MLIP: variants seen among roughly 807,000 people sequenced by gnomAD.
The protein encoded by MLIP is muscular LMNA interacting protein, also known as muscular LMNA-interacting protein.
In MLIP, 79 loss-of-function variants were observed where a neutral mutation model predicts 84.8. The observed-to-expected ratio is 0.93, with a 90% CI of 0.78 to 1.12. MLIP has a LOEUF of 1.12. Ranked by LOEUF, MLIP falls within the 50% of genes most tolerant of loss-of-function variation. The probability of loss-of-function intolerance (pLI) is 0.00; values close to 1 mark genes in which losing one functional copy is unlikely to be tolerated. For missense variants in MLIP, 1,257 were observed against 1,160.6 expected (o/e 1.08, Z -1.21); for synonymous variants, 504 against 463.0 (o/e 1.09, Z -1.14).
At chr6:54,217,330 T>C in intron 11 of MLIP, 1 of 985,284 alleles carries the variant, frequency 1.0e-6, no homozygotes, top group Non-Finnish European at 1.2e-6. Flanking sequence ...TAAGAAGAGC[T>C]CAAAATGCCG....
chr6:54,239,661 C>G (rs1394350485), intron 12 of MLIP, among the ~76,000 whole-genome samples: 1 of 151,140 alleles, frequency 6.6e-6, no homozygotes, highest in East Asian at 1.9e-4. Context: ...GTGACACATG[C>G]CTGTAGTCCC....
At chr6:54,125,241 G>A (rs677434) in intron 3 of MLIP, among the ~76,000 whole-genome samples, 46,687 of 152,048 alleles carry the variant, frequency 0.31, 7,507 homozygotes, top group African/African-American at 0.37. Flanking sequence ...TATTTCAGAC[G>A]TAAGAAAGAT....
At chr6:54,138,448 A>T (rs12174563) in intron 4 of MLIP, among the ~76,000 whole-genome samples, 162 bp downstream of exon 4, 197 of 152,294 alleles carry the variant, frequency 1.3e-3, no homozygotes, top group African/African-American at 4.7e-3. Context: ...TTGAATGTGT[A>T]AATGAATTAT....
upstream of MLIP, among the ~76,000 whole-genome samples, chr6:54,107,500 C>T (rs747770637): frequency 7.2e-5 from 11 of 152,244 alleles, no homozygotes; most frequent in Non-Finnish European, 1.5e-4. Context: ...CTGAGAGACA[C>T]GGATACGAAC....
rs377582646 is a variant in MLIP, at chr6:54,233,578, T to C, written c.2922+2661T>C. Reference sequence around the variant, plus strand: ...CACATTTTCTTTATCCAGTCTATCATTGATGGGCATTTGGGTTGGTTCCAA... The same window carrying C: ...CACATTTTCTTTATCCAGTCTATCACTGATGGGCATTTGGGTTGGTTCCAA... On this transcript the variant is annotated intron_variant, in intron 12 of 13. Coordinates refer to ENST00000502396, the MANE Select transcript of MLIP (RefSeq NM_001281747.2). Among the ~76,000 whole-genome samples the C allele has an allele frequency of 8.2e-3, 1,250 of 152,334 alleles. 19 individuals are homozygous for C. Among genetic ancestry groups the C allele is most frequent in the African/African-American group, 0.028 (1,171 of 41,574 alleles).
intron 1 of MLIP, among the ~76,000 whole-genome samples, chr6:54,023,520 C>T (rs1327851121): frequency 6.6e-6 from 1 of 151,912 alleles, no homozygotes; most frequent in African/African-American, 2.4e-5. Flanking sequence ...TAACATTCTT[C>T]TTGATTTCAG....
rs1436734257 is a variant in MLIP, at chr6:54,060,935, T to A, written c.63+41844T>A. Among the ~76,000 whole-genome samples the A allele has an allele frequency of 2.6e-5, 4 of 151,076 alleles. No homozygotes were observed. The East Asian group carries it at 5.8e-4, about 22-fold the overall frequency. ...GATGGAGGCAAATAGGAAAGAGAGA[T>A]CTTGGGATCTTAATTAGAGACATGA... On this transcript the variant is annotated intron_variant, in intron 1 of 12. Transcript: ENST00000274897.
At chr6:54,087,501 A>AT (rs1401117300) in intron 1 of MLIP, among the ~76,000 whole-genome samples, 2 of 152,190 alleles carry the variant, frequency 1.3e-5, no homozygotes, top group African/African-American at 2.4e-5. Flanking sequence ...GAAATCAGGG[A>AT]TAAAAAATAG....
At chr6:54,122,517 T>C (rs1770542452) in intron 2 of MLIP, among the ~76,000 whole-genome samples, 1 of 152,254 alleles carries the variant, frequency 6.6e-6, no homozygotes. Flanking sequence ...GGCAACTTTG[T>C]GTTATTCTTG....
chr6:54,056,521 C>A (rs1025976636), intron 1 of MLIP, among the ~76,000 whole-genome samples: 1 of 152,148 alleles, frequency 6.6e-6, no homozygotes, highest in South Asian at 2.1e-4. Context: ...CAGAAGTAAA[C>A]AGTAGGAGAC....
rs75644233 is a variant in MLIP at position 54,156,524 on chromosome 6, C to T, written c.2290-3843C>T. ...TTTGGTTTGAAAAAGGAAATAATCG[C>T]ATTGCACTAGCATTGATTATATGCT... is the stretch of plus-strand genomic sequence containing the variant. On this transcript the variant is annotated intron_variant, in intron 5 of 13. Coordinates refer to ENST00000502396, the MANE Select transcript of MLIP (RefSeq NM_001281747.2). Among the ~76,000 whole-genome samples the T allele has an allele frequency of 2.1e-3, 319 of 152,160 alleles. 1 individual carries two copies. The highest frequency in any genetic ancestry group is 2.8e-3 in the Non-Finnish European group (187 of 67,996).
At chr6:54,147,211 A>G (rs961260891) in intron 4 of MLIP, among the ~76,000 whole-genome samples, 3 of 152,178 alleles carry the variant, frequency 2.0e-5, no homozygotes, top group Admixed American at 6.5e-5. Flanking sequence ...TTATAGAGAA[A>G]GCACGTATAT....
chr6:54,062,109 T>C lies in MLIP; in HGVS notation c.63+43018T>C, dbSNP rs55736417. On this transcript the variant is annotated intron_variant, in intron 1 of 12. Coordinates refer to the MLIP transcript ENST00000274897. The stretch of plus-strand genomic sequence containing the variant: ...AGGTAATAGCATATGGAAACATACA[T>C]TCTATTCCTTCACCATCTGAGTGAC... Among the ~76,000 whole-genome samples the C allele has an allele frequency of 9.1e-3, 1,387 of 152,334 alleles. 8 individuals carry two copies. The highest frequency in any genetic ancestry group is 0.014 in the Non-Finnish European group (974 of 68,018).
intron 9 of MLIP, among the ~76,000 whole-genome samples, chr6:54,172,139 A>G (rs1775831119): frequency 6.6e-6 from 1 of 151,678 alleles, no homozygotes; most frequent in Non-Finnish European, 1.5e-5. Flanking sequence ...CTGACTACTG[A>G]AAATTCCTAT....
At chr6:54,192,680 G>A (rs1377664599) in intron 10 of MLIP, among the ~76,000 whole-genome samples, 2 of 151,892 alleles carry the variant, frequency 1.3e-5, no homozygotes, top group African/African-American at 4.8e-5. Flanking sequence ...GATGACATAT[G>A]AGGTAATTCT....
intron 4 of MLIP, among the ~76,000 whole-genome samples, chr6:54,148,791 G>T (rs1582281826): frequency 6.6e-6 from 1 of 152,144 alleles, no homozygotes; most frequent in South Asian, 2.1e-4. Context: ...TTGTGTAAAG[G>T]AAGTTTTTAA....
intron 11 of MLIP, chr6:54,216,764 G>A (rs1416257173): frequency 2.0e-6 from 2 of 985,196 alleles, no homozygotes; most frequent in East Asian, 1.1e-4. Flanking sequence ...CAAAATTTGG[G>A]TTTCTAAGCA....
rs1210918624 is a variant in MLIP, at chr6:54,083,730, TTA to T, written c.64-37715_64-37714del. ...TATTTCTTATTTCGTATTGCAGTAG[TTA>T]TGTTTTAGGTGGCATGGCTGTTTAT... On this transcript the variant is annotated intron_variant, in intron 1 of 12. Coordinates refer to the MLIP transcript ENST00000274897. 3 of 1,261,774 alleles carry T rather than the reference TTA, an allele frequency of 2.4e-6. No individual in the cohort carries two copies. In the African/African-American group the frequency reaches 4.4e-5, roughly 19 times the overall value. The allele number at this position is 1,261,774 out of a possible 1,614,324, so 78.2% of individuals were successfully genotyped here.
At chr6:54,111,735 G>A (rs1044485743) in intron 1 of MLIP, among the ~76,000 whole-genome samples, 160 bp downstream of exon 1, 29 of 152,290 alleles carry the variant, frequency 1.9e-4, no homozygotes, top group African/African-American at 6.3e-4. Flanking sequence ...AAAAGGGTGA[G>A]CTGATAAAGA....
Sources: allele counts gnomAD v4.1 joint callset (sites outside exome capture counted in the v4.1 genomes callset), GRCh38; gene constraint gnomAD v4.1.1; transcripts MANE v1.5; gene names NCBI Gene and HGNC (gene_info 2026-07-23, HGNC 2026-07-21).